CCDC15: variants seen among roughly 807,000 people sequenced by gnomAD.
CCDC15 encodes the protein coiled-coil domain containing 15, also known as coiled-coil domain-containing protein 15.
A neutral mutation model predicts 114.5 loss-of-function variants in CCDC15; 105 were observed. The ratio of observed to expected loss-of-function variants is 0.92; its 90% confidence interval spans 0.78 to 1.08. The LOEUF is 1.08. CCDC15 is among the 50% of genes least tolerant of loss of function. The probability of loss-of-function intolerance (pLI) is 0.00; values close to 1 mark genes in which losing one functional copy is unlikely to be tolerated. For missense variants in CCDC15, 1,105 were observed against 1,093.6 expected (o/e 1.01, Z -0.15); for synonymous variants, 334 against 377.8 (o/e 0.88, Z 1.34).
intron 7 of CCDC15, 96 bp from the exon 8 acceptor site, chr11:124,987,031 C>T: frequency 7.4e-7 from 1 of 1,354,712 alleles, no homozygotes; most frequent in Non-Finnish European, 9.7e-7. Flanking sequence ...TAATTTGCTT[C>T]ACTGCCATAT....
chr11:125,040,761 C>T lies in CCDC15; in HGVS notation c.*50C>T. The T allele has an allele frequency of 6.6e-7, 1 of 1,507,766 alleles. No homozygotes were observed. 93.4% of individuals were successfully genotyped at this position (1,507,766 alleles called of 1,614,324 possible). ...TATTTTGGCTTTTACTTAAAATCATCCCTGAGAGAGTATTTAAGAAAAGCT... is the reference window on the plus strand; with the variant it reads ...TATTTTGGCTTTTACTTAAAATCATTCCTGAGAGAGTATTTAAGAAAAGCT... On this transcript the variant is annotated 3_prime_UTR_variant, in exon 16 of 16. Transcript: ENST00000344762.
intron 11 of CCDC15, among the ~76,000 whole-genome samples, chr11:124,999,898 G>A (rs1292046681): frequency 9.0e-6 from 1 of 110,866 alleles, no homozygotes. Flanking sequence ...GTCTTGCTCT[G>A]TCACCCAGGC....
At chr11:125,011,483 G>A (rs1004739169) in intron 13 of CCDC15, among the ~76,000 whole-genome samples, 1 of 151,860 alleles carries the variant, frequency 6.6e-6, no homozygotes, top group African/African-American at 2.4e-5. Context: ...TGATCCACCC[G>A]CCTCAGCCTC....
chr11:125,000,296 A>G (rs1212310622), intron 11 of CCDC15, among the ~76,000 whole-genome samples: 2 of 152,124 alleles, frequency 1.3e-5, no homozygotes, highest in African/African-American at 2.4e-5. Context: ...GATCTCTCCT[A>G]TGCACCATGG....
chr11:125,011,026 C>T (rs1346627125), intron 13 of CCDC15, among the ~76,000 whole-genome samples: 1 of 151,998 alleles, frequency 6.6e-6, no homozygotes, highest in Non-Finnish European at 1.5e-5. Flanking sequence ...CCAGTTATCC[C>T]AGCACCATTT....
intron 6 of CCDC15, among the ~76,000 whole-genome samples, chr11:124,985,467 C>T (rs1184007473): frequency 6.6e-6 from 1 of 152,162 alleles, no homozygotes; most frequent in Admixed American, 6.5e-5. Context: ...GTTCCAATTT[C>T]TCTGTATCCT....
chr11:125,035,471 T>A (rs7939293), intron 13 of CCDC15, among the ~76,000 whole-genome samples: 30,737 of 151,360 alleles, frequency 0.2, 3,679 homozygotes, highest in African/African-American at 0.34. Context: ...TGTGTCTTTG[T>A]AGATGAAGTA....
intron 11 of CCDC15, among the ~76,000 whole-genome samples, chr11:124,998,730 G>A (rs1395704473): frequency 2.0e-5 from 3 of 146,744 alleles, no homozygotes; most frequent in Non-Finnish European, 3.0e-5. Flanking sequence ...ACTTGAGAGA[G>A]TCTCTACTTT....
At chr11:124,981,415 G>A (rs565573897) in intron 6 of CCDC15, among the ~76,000 whole-genome samples, 2 of 152,240 alleles carry the variant, frequency 1.3e-5, no homozygotes, top group African/African-American at 4.8e-5. Flanking sequence ...CATGATCTTG[G>A]CTCACTGAAA....
intron 13 of CCDC15, among the ~76,000 whole-genome samples, chr11:125,014,701 G>C (rs138900981): frequency 6.6e-6 from 1 of 152,270 alleles, no homozygotes; most frequent in Non-Finnish European, 1.5e-5. Context: ...TAGTGGCAAG[G>C]ATGTAGAACA....
Position 124,987,048 on chromosome 11 carries a change from G to T in CCDC15, c.901-79G>T, listed in dbSNP as rs77109176. On this transcript the variant is annotated intron_variant, in intron 7 of 15. Transcript: ENST00000344762. The stretch of plus-strand genomic sequence containing the variant: ...ATTTGCTTCACTGCCATATCATTTT[G>T]ATATTTCGATTATTTTGGAAAATCT... 84 of 1,373,400 alleles carry T rather than the reference G, an allele frequency of 6.1e-5. No homozygotes were observed. In the East Asian group the frequency reaches 2.1e-3, roughly 34 times the overall value. The allele number at this position is 1,373,400 out of a possible 1,614,324, so 85.1% of individuals were successfully genotyped here.
chr11:124,969,890 G>A (rs1008671114), intron 4 of CCDC15, among the ~76,000 whole-genome samples: 2 of 152,144 alleles, frequency 1.3e-5, no homozygotes, highest in African/African-American at 2.4e-5. Flanking sequence ...GAGCTCCAGT[G>A]ACCCCAAGAG....
At chr11:124,984,268 C>T (rs1591587987) in intron 6 of CCDC15, among the ~76,000 whole-genome samples, 1 of 152,092 alleles carries the variant, frequency 6.6e-6, no homozygotes, top group Non-Finnish European at 1.5e-5. Context: ...TAGGCAGGCT[C>T]ATGCTGGTTG....
chr11:125,040,345 C>T (rs780658152), intron 15 of CCDC15, among the ~76,000 whole-genome samples: 22 of 152,086 alleles, frequency 1.4e-4, no homozygotes, highest in Non-Finnish European at 2.4e-4. Flanking sequence ...CCTATGATGA[C>T]ATTTTGTATA....
At chr11:125,031,900 C>T (rs1413420880) in intron 13 of CCDC15, among the ~76,000 whole-genome samples, 8 of 152,134 alleles carry the variant, frequency 5.3e-5, no homozygotes, top group East Asian at 1.9e-4. Flanking sequence ...AGGAATGTGT[C>T]GACAACAAAA....
intron 12 of CCDC15, 24 bp downstream of exon 12, chr11:125,003,983 A>C: frequency 1.7e-6 from 2 of 1,199,302 alleles, no homozygotes; most frequent in Non-Finnish European, 2.3e-6. Flanking sequence ...CTGCTTTTGG[A>C]TCCCAATATT....
At chr11:124,974,471 G>A (rs1947939816) in intron 4 of CCDC15, among the ~76,000 whole-genome samples, 1 of 152,156 alleles carries the variant, frequency 6.6e-6, no homozygotes, top group Non-Finnish European at 1.5e-5. Flanking sequence ...TTTATTAGGT[G>A]TTACTTAAAG....
intron 6 of CCDC15, among the ~76,000 whole-genome samples, chr11:124,980,687 G>A (rs11501202): frequency 0.27 from 40,536 of 151,874 alleles, 6,398 homozygotes; most frequent in African/African-American, 0.44. Flanking sequence ...CTAGTGCTCT[G>A]TCTTATTAAT....
At chr11:124,988,638 C>T (rs912232693) in intron 8 of CCDC15, among the ~76,000 whole-genome samples, 3 of 152,210 alleles carry the variant, frequency 2.0e-5, no homozygotes, top group Non-Finnish European at 4.4e-5. Flanking sequence ...ATTTGATCTA[C>T]AGTAGAACTT....
Sources: allele counts gnomAD v4.1 joint callset (sites outside exome capture counted in the v4.1 genomes callset), GRCh38; gene constraint gnomAD v4.1.1; transcripts MANE v1.5; gene names NCBI Gene and HGNC (gene_info 2026-07-23, HGNC 2026-07-21).